The following PUM3 variants were observed in gnomAD, a reference collection of about 807,000 sequenced individuals.
PUM3 encodes the protein pumilio homolog 3.
PUM3 carries 91 observed loss-of-function variants against 84.0 expected under a neutral mutation model. The ratio of observed to expected loss-of-function variants is 1.08; its 90% CI spans 0.91 to 1.29. The LOEUF (loss-of-function observed/expected upper bound fraction) is 1.29, where lower values mean the gene tolerates loss of function less well. Among genes scored for constraint, PUM3 ranks in the 50% most tolerant of loss-of-function variants. The pLI is 0.00. For missense variants in PUM3, 1,067 were observed against 767.5 expected, an observed-to-expected ratio of 1.39 and a Z score of -4.61; for synonymous variants, 321 against 266.7, an observed-to-expected ratio of 1.20 and a Z score of -1.98.
At chr9:2,827,668 T>C (rs1474591810) in intron 9 of PUM3, among the ~76,000 whole-genome samples, 1 of 152,218 alleles carries the variant, frequency 6.6e-6, no homozygotes, top group Admixed American at 6.5e-5. Context: ...GATCCAGGTG[T>C]ACAGTGGAGG....
In PUM3 at chr9:2,804,226, G is replaced by C; in HGVS notation, c.*105C>G. 9.2e-7 allele frequency: 1 copy of C among 1,091,976 alleles called. No individual in the cohort carries two copies. The highest frequency in any genetic ancestry group is 1.3e-6 in the Non-Finnish European group (1 of 755,432). 67.6% of individuals were successfully genotyped at this position (1,091,976 alleles called of 1,614,324 possible). On this transcript the variant is annotated 3_prime_UTR_variant, in exon 18 of 18. Coordinates refer to ENST00000397885, the MANE Select transcript of PUM3 (RefSeq NM_014878.5). ...TACAAAGAAGAAACACATATACAGA[G>C]TACCCCAATTACCAGTATGGTGGAC...
chr9:2,812,329 C>T lies in PUM3; in HGVS notation c.1303G>A (p.Asp435Asn), dbSNP rs1821392022. ...AATAGGACCTTCCTTCCATATTTGTCATTTACTATGCTAGGCAATGAACTG... is the reference window on the plus strand; with the variant it reads ...AATAGGACCTTCCTTCCATATTTGTTATTTACTATGCTAGGCAATGAACTG... ...IISSLPSIVN[D>N]KYGRKVLLYL... Residue 435 changes from aspartate to asparagine, a missense_variant, in exon 14 of 18, where the codon GAC (aspartate) becomes AAC (asparagine). By Grantham distance (23) the Asp-to-Asn change is conservative. Transcript: ENST00000397885. 6.3e-7 allele frequency: 1 copy of T among 1,591,382 alleles called. No individual in the cohort carries two copies. Among genetic ancestry groups the T allele is most frequent in the South Asian group, 1.1e-5 (1 of 90,514 alleles).
chr9:2,805,367 G>A (rs560222319), intron 17 of PUM3, among the ~76,000 whole-genome samples: 59 of 152,202 alleles, frequency 3.9e-4, no homozygotes, highest in Non-Finnish European at 7.8e-4. Flanking sequence ...TCTGACCGCA[G>A]AGTACCAGTC....
At chr9:2,835,044 G>C (rs894625208) in intron 3 of PUM3, among the ~76,000 whole-genome samples, 24 of 149,434 alleles carry the variant, frequency 1.6e-4, no homozygotes, top group African/African-American at 5.9e-4. Flanking sequence ...GAAAAACCCT[G>C]TAAAACCAAA....
At chr9:2,817,482 G>T (rs563758767) in intron 13 of PUM3, among the ~76,000 whole-genome samples, 5 of 152,272 alleles carry the variant, frequency 3.3e-5, no homozygotes, top group Admixed American at 1.3e-4. Flanking sequence ...AAAAAGGCTT[G>T]CTGACCCCTG....
chr9:2,813,138 T>G (rs775350871), intron 13 of PUM3, among the ~76,000 whole-genome samples: 2 of 152,220 alleles, frequency 1.3e-5, no homozygotes, highest in Non-Finnish European at 2.9e-5. Flanking sequence ...AATTACACTA[T>G]ATGACATTTC....
intron 13 of PUM3, among the ~76,000 whole-genome samples, chr9:2,814,878 A>T (rs1821441058): frequency 6.6e-6 from 1 of 152,206 alleles, no homozygotes; most frequent in Non-Finnish European, 1.5e-5. Flanking sequence ...ACTTTTAGTT[A>T]ACATTTTTTT....
In PUM3 at chr9:2,824,789, C is replaced by G. The variant is rs965587604; in HGVS notation, c.1062G>C (p.Ala354=). 1.9e-6 allele frequency: 3 copies of G among 1,577,668 alleles called. No individual in the cohort carries two copies. The highest frequency in any genetic ancestry group is 1.7e-6 in the Non-Finnish European group (2 of 1,156,684). ...CGTGTGTGTGTGCCAGGTAGACCAC[C>G]GCTTCGCGGATGGCTTCAATCATTT... ...RSEMIEAIRE[A]VVYLAHTHDG... The change falls in exon 11 of 18, where the codon GCG becomes GCC. Residue 354 remains alanine, a synonymous_variant. Coordinates refer to ENST00000397885, the MANE Select transcript of PUM3 (RefSeq NM_014878.5).
In PUM3 at chr9:2,830,959, TA is replaced by T; in HGVS notation, c.677+2del. 7.3e-7 allele frequency: 1 copy of T among 1,361,108 alleles called. No homozygotes were observed. Among genetic ancestry groups the T allele is most frequent in the Non-Finnish European group, 1.0e-6 (1 of 959,936 alleles). 84.3% of individuals were successfully genotyped at this position (1,361,108 alleles called of 1,614,324 possible). On this transcript the variant is annotated splice_donor_variant, in intron 7 of 17. Transcript: ENST00000397885. LOFTEE classifies it high-confidence loss of function. ...AATGTATTTTATACATAAAACAACT[TA>T]CCCATACATGAGAAATTTCTTAACA... is the stretch of plus-strand genomic sequence containing the variant.
chr9:2,814,589 G>C (rs1053575611), intron 13 of PUM3, among the ~76,000 whole-genome samples: 3 of 151,968 alleles, frequency 2.0e-5, no homozygotes, highest in African/African-American at 7.3e-5. Context: ...TGTACCTTTA[G>C]GTACCTATAT....
chr9:2,828,466 G>T, intron 9 of PUM3: 1 of 475,438 alleles, frequency 2.1e-6, no homozygotes, highest in Non-Finnish European at 3.7e-6. Context: ...ACGAATGCAT[G>T]TTAGTTATCA....
chr9:2,821,970 T>C (rs1021983455), intron 12 of PUM3, among the ~76,000 whole-genome samples: 7 of 152,122 alleles, frequency 4.6e-5, no homozygotes, highest in Non-Finnish European at 1.0e-4. Context: ...TGAAATAAAA[T>C]GACCCATAAT....
intron 14 of PUM3, 63 bp from the exon 15 acceptor site, chr9:2,811,646 T>C (rs1182600834): frequency 3.6e-5 from 44 of 1,235,720 alleles, no homozygotes; most frequent in Non-Finnish European, 3.2e-5. Context: ...GTGGTGATAT[T>C]ATCACAAAAA....
At chr9:2,840,010 G>A (rs1229694891) in intron 1 of PUM3, among the ~76,000 whole-genome samples, 3 of 152,118 alleles carry the variant, frequency 2.0e-5, no homozygotes, top group Non-Finnish European at 2.9e-5. Context: ...AGGATACACT[G>A]AATCTGGCCA....
intron 12 of PUM3, among the ~76,000 whole-genome samples, chr9:2,823,523 G>C (rs1161763912): frequency 1.3e-5 from 2 of 151,846 alleles, no homozygotes; most frequent in African/African-American, 2.4e-5. Flanking sequence ...TAAATATCAG[G>C]TTTTCAAAGA....
chr9:2,827,698 G>C (rs112713885), intron 9 of PUM3, among the ~76,000 whole-genome samples: 155 of 152,286 alleles, frequency 1.0e-3, no homozygotes, highest in Non-Finnish European at 1.6e-3. Flanking sequence ...AGGCATAAAA[G>C]ACCTAAAGTT....
intron 1 of PUM3, among the ~76,000 whole-genome samples, chr9:2,843,117 A>G (rs957285689): frequency 2.6e-5 from 4 of 152,192 alleles, no homozygotes; most frequent in African/African-American, 7.2e-5. Flanking sequence ...CAAGTCTTCA[A>G]TGTTTTCTAC....
chr9:2,811,092 G>C (rs913130789), intron 15 of PUM3, among the ~76,000 whole-genome samples: 2 of 152,086 alleles, frequency 1.3e-5, no homozygotes, highest in African/African-American at 4.8e-5. Context: ...CCAATCGCAG[G>C]TGTCAGAAGC....
chr9:2,833,365 T>C lies in PUM3; in HGVS notation c.508A>G (p.Ile170Val). 1 of 1,577,582 alleles carries C rather than the reference T, an allele frequency of 6.3e-7. No homozygotes were observed. The highest frequency in any genetic ancestry group is 8.7e-7 in the Non-Finnish European group (1 of 1,150,206). ...GAGTATATGCTACTTACAGTTTTAA[T>C]TTTCCCTTGAATCAACTTCTGCAAA... ...SDLQKLIQGK[I>V]KTIAFAHDST... is the part of the protein sequence containing the mutation. The change falls in exon 5 of 18, where the codon ATT (isoleucine) becomes GTT (valine). Residue 170 changes from isoleucine (I) to valine (V), a missense_variant. Ile to Val is a conservative substitution (Grantham distance 29). Coordinates refer to ENST00000397885, the MANE Select transcript of PUM3 (RefSeq NM_014878.5).
Sources: allele counts gnomAD v4.1 joint callset (sites outside exome capture counted in the v4.1 genomes callset), GRCh38; gene constraint gnomAD v4.1.1; transcripts MANE v1.5; gene names NCBI Gene and HGNC (gene_info 2026-07-23, HGNC 2026-07-21).